Variants in PDE1C observed in about 807,000 individuals in gnomAD.
The protein encoded by PDE1C is phosphodiesterase 1C.
In PDE1C, 62 loss-of-function variants were observed where a neutral mutation model predicts 93.1. The observed-to-expected ratio is 0.67, with a 90% CI of 0.54 to 0.82. The LOEUF is 0.82. Among genes scored for constraint, PDE1C ranks in the 40% least tolerant of loss-of-function variants. The pLI, the probability that PDE1C is intolerant of heterozygous loss-of-function variation, is 0.00. For synonymous variants in PDE1C, 325 were observed against 310.1 expected (o/e 1.05, Z -0.50); for missense variants, 742 against 884.6 (o/e 0.84, Z 2.04).
chr7:31,705,130 C>T, the PDE1C span, among the ~76,000 whole-genome samples: 1 of 152,158 alleles, frequency 6.6e-6, no homozygotes, highest in Non-Finnish European at 1.5e-5. Context: ...TTGTGGACAG[C>T]CCAGCCTACT....
intron 2 of PDE1C, among the ~76,000 whole-genome samples, chr7:32,019,174 A>G (rs1788317750): frequency 1.3e-5 from 2 of 151,426 alleles, no homozygotes; most frequent in Non-Finnish European, 2.9e-5. Flanking sequence ...AAAAAAAAGC[A>G]AACATGACAA....
chr7:31,812,706 G>A (rs998516416), intron 15 of PDE1C, among the ~76,000 whole-genome samples: 4 of 152,022 alleles, frequency 2.6e-5, no homozygotes, highest in African/African-American at 9.7e-5. Flanking sequence ...CTTATGTTCT[G>A]CAAAGCCTAA....
intron 1 of PDE1C, among the ~76,000 whole-genome samples, chr7:32,282,608 GTC>G (rs1370573982): frequency 8.1e-6 from 1 of 123,478 alleles, no homozygotes; most frequent in Non-Finnish European, 1.6e-5. Flanking sequence ...TTGAGACGGA[GTC>G]TCTCTCTGTC....
chr7:32,251,369 C>T (rs1425061251), intron 1 of PDE1C, among the ~76,000 whole-genome samples: 1 of 152,228 alleles, frequency 6.6e-6, no homozygotes, highest in African/African-American at 2.4e-5. Context: ...AGCTGCAACT[C>T]AGGCAAGGGC....
At chr7:32,215,527 C>G (rs960314705) in intron 1 of PDE1C, among the ~76,000 whole-genome samples, 2 of 152,126 alleles carry the variant, frequency 1.3e-5, no homozygotes, top group Admixed American at 6.6e-5. Flanking sequence ...AAACAAATCT[C>G]AGAGTAAGTA....
At chr7:32,218,801 G>A (rs932307282) in intron 1 of PDE1C, among the ~76,000 whole-genome samples, 1 of 151,956 alleles carries the variant, frequency 6.6e-6, no homozygotes, top group South Asian at 2.1e-4. Context: ...CCCTGATCCC[G>A]CTTTCCAAAC....
At chr7:31,629,608 T>G in the PDE1C span, among the ~76,000 whole-genome samples, 17 of 152,234 alleles carry the variant, frequency 1.1e-4, no homozygotes, top group Non-Finnish European at 2.4e-4. Flanking sequence ...AGTGCGAATT[T>G]TATCTTTCAA....
chr7:32,205,754 C>T (rs1236438715), intron 2 of PDE1C, among the ~76,000 whole-genome samples: 5 of 152,108 alleles, frequency 3.3e-5, no homozygotes, highest in Non-Finnish European at 4.4e-5. Flanking sequence ...CTGAAGCCAG[C>T]GAGACCATGA....
At chr7:31,897,815 G>T (rs926262049) in intron 2 of PDE1C, among the ~76,000 whole-genome samples, 4 of 152,014 alleles carry the variant, frequency 2.6e-5, no homozygotes, top group Non-Finnish European at 4.4e-5. Context: ...CATGCTTTTG[G>T]TTAGAAGAAC....
At chr7:32,350,339 T>A (rs1013772) in intron 1 of PDE1C, among the ~76,000 whole-genome samples, 31,984 of 152,012 alleles carry the variant, frequency 0.21, 3,758 homozygotes, top group South Asian at 0.45. Flanking sequence ...TGTTCTAGAG[T>A]ATGTATGTAG....
At chr7:31,998,069 G>T (rs1378263205) in intron 2 of PDE1C, among the ~76,000 whole-genome samples, 1 of 151,434 alleles carries the variant, frequency 6.6e-6, no homozygotes, top group African/African-American at 2.4e-5. Flanking sequence ...GCCCAGGCTG[G>T]AATGCAGTGG....
At chr7:32,305,943 T>C (rs1184789578) in intron 1 of PDE1C, among the ~76,000 whole-genome samples, 1 of 152,252 alleles carries the variant, frequency 6.6e-6, no homozygotes, top group Admixed American at 6.5e-5. Context: ...TCTTGAATTG[T>C]AGCTCCTATG....
At chr7:31,848,447 T>A (rs116300054) in intron 8 of PDE1C, among the ~76,000 whole-genome samples, 1 of 152,192 alleles carries the variant, frequency 6.6e-6, no homozygotes, top group African/African-American at 2.4e-5. Context: ...TGACATTTAT[T>A]TTTATTTTTA....
the PDE1C span, among the ~76,000 whole-genome samples, chr7:31,616,840 AG>A: frequency 6.6e-6 from 1 of 151,556 alleles, no homozygotes; most frequent in Admixed American, 6.6e-5. Flanking sequence ...AACAATTATC[AG>A]ATATCCAAAC....
intron 2 of PDE1C, among the ~76,000 whole-genome samples, chr7:32,205,025 G>A (rs537803142): frequency 1.6e-4 from 25 of 152,336 alleles, no homozygotes; most frequent in Admixed American, 3.3e-4. Context: ...AGAGAGGGGA[G>A]GAAGGCTGAA....
intron 1 of PDE1C, among the ~76,000 whole-genome samples, chr7:32,338,866 G>C (rs536495330): frequency 6.6e-6 from 1 of 152,146 alleles, no homozygotes; most frequent in Non-Finnish European, 1.5e-5. Flanking sequence ...AGCCAAGCGT[G>C]GTGGCGGGCG....
intron 2 of PDE1C, among the ~76,000 whole-genome samples, chr7:31,944,885 G>A (rs1207649979): frequency 1.3e-5 from 2 of 152,052 alleles, no homozygotes; most frequent in Non-Finnish European, 2.9e-5. Flanking sequence ...CGTTTTTGAA[G>A]AAACTTTTAA....
At chr7:31,889,428 T>C (rs1193171305) in intron 2 of PDE1C, among the ~76,000 whole-genome samples, 3 of 152,226 alleles carry the variant, frequency 2.0e-5, no homozygotes, top group Admixed American at 6.5e-5. Context: ...GTTTTTGAAC[T>C]ATCCTATTCT....
the PDE1C span, among the ~76,000 whole-genome samples, chr7:31,713,985 C>T: frequency 5.3e-5 from 8 of 152,208 alleles, no homozygotes; most frequent in East Asian, 5.8e-4. Context: ...AGACATTTTC[C>T]CCATTGTTTT....
Sources: gnomAD v4.1 joint callset for allele counts (sites outside exome capture counted in the v4.1 genomes callset) on GRCh38, gnomAD v4.1.1 for gene constraint, MANE v1.5 for transcripts, NCBI Gene and HGNC (gene_info 2026-07-23, HGNC 2026-07-21) for gene names.